EZH1: variants seen among roughly 807,000 people sequenced by gnomAD.
The protein encoded by EZH1 is histone-lysine N-methyltransferase EZH1.
In EZH1, 33 loss-of-function variants were observed where a neutral mutation model predicts 100.5. The ratio of observed to expected loss-of-function variants is 0.33; its 90% CI spans 0.25 to 0.44. The LOEUF (loss-of-function observed/expected upper bound fraction) is 0.44. Ranked by LOEUF, EZH1 falls within the 20% of genes least tolerant of loss-of-function variation. The probability of loss-of-function intolerance (pLI) is 1.00; values close to 1 mark genes in which losing one functional copy is unlikely to be tolerated. For missense variants in EZH1, 475 were observed against 928.4 expected, an observed-to-expected ratio of 0.51 and a Z score of 6.35; for synonymous variants, 272 against 313.8, an observed-to-expected ratio of 0.87 and a Z score of 1.41.
chr17:42,724,899 T>G lies in EZH1; in HGVS notation c.247-475A>C, dbSNP rs1468797579. On this transcript the variant is annotated intron_variant, in intron 4 of 20. Transcript: ENST00000428826. ...TTATAAAAAATTTGACCAGGCATGG[T>G]GGCTCACGCCTGTAATCCCAGCACT... 3.9e-5 allele frequency among the ~76,000 whole-genome samples: 6 copies of G among 152,188 alleles called. No homozygotes were observed. In the East Asian group the frequency reaches 9.6e-4, roughly 24 times the overall value.
At chr17:42,712,867 G>A (rs936588180) in intron 11 of EZH1, among the ~76,000 whole-genome samples, 3 of 151,934 alleles carry the variant, frequency 2.0e-5, no homozygotes, top group South Asian at 2.1e-4. Flanking sequence ...GCGAAACCCC[G>A]TCTCTACTAA....
At chr17:42,744,872 C>A in intron 1 of EZH1, 139 bp downstream of exon 1, 1 of 926,080 alleles carries the variant, frequency 1.1e-6, no homozygotes, top group Admixed American at 3.9e-5. Flanking sequence ...GCGCCTGCTA[C>A]CCCCGGCCAG....
In EZH1 at chr17:42,745,002, C is replaced by T. The variant is rs1485072918; in HGVS notation, c.-103+9G>A. The T allele has an allele frequency of 7.8e-7, 1 of 1,274,704 alleles. No homozygotes were observed. 79.0% of individuals were successfully genotyped at this position (1,274,704 alleles called of 1,614,324 possible). Reference sequence around the variant, plus strand: ...CCACCGCCCGGCCCAGGCTTGTTTACTCACTCACCCTCCATCCCGAGCCGC... The same window carrying T: ...CCACCGCCCGGCCCAGGCTTGTTTATTCACTCACCCTCCATCCCGAGCCGC... On this transcript the variant is annotated intron_variant, in intron 1 of 20. Coordinates refer to ENST00000428826, the MANE Select transcript of EZH1 (RefSeq NM_001991.5).
intron 1 of EZH1, among the ~76,000 whole-genome samples, chr17:42,739,248 C>G (rs1263882698): frequency 6.6e-6 from 1 of 152,114 alleles, no homozygotes; most frequent in African/African-American, 2.4e-5. Context: ...AGCCTGATCT[C>G]TCAGTTAGGA....
chr17:42,733,032 CAAAAAA>C (rs35232752), intron 1 of EZH1, among the ~76,000 whole-genome samples: 3 of 103,242 alleles, frequency 2.9e-5, no homozygotes, highest in Non-Finnish European at 4.0e-5. Context: ...ACCATCTCTA[CAAAAAA>C]AAAAAAAAAA....
In EZH1 at chr17:42,720,570, T is replaced by A. The variant is rs993872703; in HGVS notation, c.488-121A>T. 33 of 805,616 alleles carry A rather than the reference T, an allele frequency of 4.1e-5. No individual in the cohort carries two copies. The African/African-American group carries it at 5.4e-4, about 13-fold the overall frequency. The allele number at this position is 805,616 out of a possible 1,614,324, so 49.9% of individuals were successfully genotyped here. A position where few individuals can be genotyped will look rare whatever the true frequency, so the allele number is the denominator to read the frequency against. On this transcript the variant is annotated intron_variant, in intron 6 of 20. Coordinates refer to ENST00000428826, the MANE Select transcript of EZH1 (RefSeq NM_001991.5). ...TATGTCACATGTGTACATTTTTACA[T>A]GGGAGATCAGGAAATTACAATCATT...
intron 1 of EZH1, among the ~76,000 whole-genome samples, chr17:42,732,799 A>T (rs1265350617): frequency 4.0e-5 from 6 of 151,898 alleles, no homozygotes; most frequent in Non-Finnish European, 8.8e-5. Context: ...AATCAAAAAC[A>T]TCATCCGGGC....
intron 1 of EZH1, among the ~76,000 whole-genome samples, chr17:42,734,532 C>T (rs921290983): frequency 1.3e-5 from 2 of 151,934 alleles, no homozygotes; most frequent in Non-Finnish European, 2.9e-5. Flanking sequence ...GGCATGGTAG[C>T]CTGTGCCTGC....
At chr17:42,738,093 G>A (rs1431665947) in intron 1 of EZH1, among the ~76,000 whole-genome samples, 2 of 150,932 alleles carry the variant, frequency 1.3e-5, no homozygotes, top group South Asian at 2.1e-4. Flanking sequence ...GGAGAATGGC[G>A]TGAACCCAGG....
chr17:42,741,259 G>A (rs1159714353), intron 1 of EZH1, among the ~76,000 whole-genome samples: 4 of 152,168 alleles, frequency 2.6e-5, no homozygotes, highest in African/African-American at 7.2e-5. Context: ...TCCCTTTGTC[G>A]CCCAGGCTAG....
chr17:42,713,316 T>C lies in EZH1; in HGVS notation c.1097A>G (p.His366Arg). ...ATTGGAGCAGGAAGCACTGACTATGTGGTGCCTTCTCCGGCGACGACCAGA... is the reference window on the plus strand; with the variant it reads ...ATTGGAGCAGGAAGCACTGACTATGCGGTGCCTTCTCCGGCGACGACCAGA... The part of the protein sequence containing the change: ...KCSGRRRRRH[H>R]IVSASCSNAS... The change falls in exon 11 of 21, where the codon CAC (histidine) becomes CGC (arginine). Residue 366 changes from histidine to arginine, a missense_variant. By Grantham distance (29) the His-to-Arg change is conservative. This residue lies in a region of EZH1 where 180 missense variants were observed against 295.3 expected (regional missense o/e 0.61). Coordinates refer to ENST00000428826, the MANE Select transcript of EZH1 (RefSeq NM_001991.5). The C allele has an allele frequency of 6.2e-7, 1 of 1,613,296 alleles. No homozygotes were observed. Among genetic ancestry groups the C allele is most frequent in the Non-Finnish European group, 8.5e-7 (1 of 1,179,278 alleles).
intron 1 of EZH1, among the ~76,000 whole-genome samples, chr17:42,742,688 T>C (rs2143907734): frequency 6.6e-6 from 1 of 152,356 alleles, no homozygotes; most frequent in Non-Finnish European, 1.5e-5. Flanking sequence ...TACTATGTGT[T>C]ACCATTTTAG....
rs137861843 is a variant in EZH1, at chr17:42,702,177, G to A, written c.*355C>T. On this transcript the variant is annotated 3_prime_UTR_variant, in exon 21 of 21. Transcript: ENST00000428826. ...TGGAAAGCTACAATTACAGGCTAGC[G>A]CTTGTTGGGAACTGCCTAAGTTGAT... 1.6e-4 allele frequency: 36 copies of A among 225,768 alleles called. No individual in the cohort carries two copies. The highest frequency in any genetic ancestry group is 9.8e-4 in the East Asian group (11 of 11,242). 14.0% of individuals were successfully genotyped at this position (225,768 alleles called of 1,614,324 possible).
Position 42,718,637 on chromosome 17 carries a change from T to G in EZH1, c.768-20A>C, listed in dbSNP as rs768929827. 17 of 1,613,240 alleles carry G rather than the reference T, an allele frequency of 1.1e-5. No homozygotes were observed. The South Asian group carries it at 1.6e-4, about 16-fold the overall frequency. ...CGATACCTATTTAAGAAAAGAGAGATAAGAGTTCCTCCGAGGAACTGCCTC... is the reference window on the plus strand; with the variant it reads ...CGATACCTATTTAAGAAAAGAGAGAGAAGAGTTCCTCCGAGGAACTGCCTC... On this transcript the variant is annotated intron_variant, in intron 8 of 20. Coordinates refer to ENST00000428826, the MANE Select transcript of EZH1 (RefSeq NM_001991.5). This position sits in a 1 kb window ranked among gnomAD's most constrained non-coding sequence, Gnocchi z 4.2.
chr17:42,720,332 T>C lies in EZH1; in HGVS notation c.605A>G (p.Gln202Arg). ...EGHNDTSDGK[Q>R]DDSKEDLPVT... ...TGGCAGATCTTCTTTGCTGTCATCC[T>C]GCTTTCCATCTGAGGTGTCATTGTG... The change falls in exon 7 of 21, where the codon CAG becomes CGG. Residue 202 changes from glutamine (Q) to arginine (R), a missense_variant. Physicochemically the swap from Gln to Arg is conservative, Grantham distance 43 (BLOSUM62 1). Coordinates refer to ENST00000428826, the MANE Select transcript of EZH1 (RefSeq NM_001991.5). 2 of 1,614,174 alleles carry C rather than the reference T, an allele frequency of 1.2e-6. No individual in the cohort carries two copies. The highest frequency in any genetic ancestry group is 1.7e-6 in the Non-Finnish European group (2 of 1,180,018).
At chr17:42,708,233 G>A (rs552946345) in intron 14 of EZH1, 150 bp from the exon 15 acceptor site, 81 of 915,274 alleles carry the variant, frequency 8.8e-5, no homozygotes, top group Non-Finnish European at 1.2e-4. Context: ...AGACAGGGAT[G>A]ACCGTTGTTC....
intron 1 of EZH1, among the ~76,000 whole-genome samples, chr17:42,732,661 G>C (rs1398675138): frequency 6.6e-6 from 1 of 152,132 alleles, no homozygotes; most frequent in Admixed American, 6.6e-5. Flanking sequence ...CCAGCTACTT[G>C]GGAGGCTGAG....
intron 12 of EZH1, among the ~76,000 whole-genome samples, 164 bp from the exon 13 acceptor site, chr17:42,710,101 G>T (rs777952211): frequency 2.0e-5 from 3 of 152,156 alleles, no homozygotes; most frequent in Non-Finnish European, 4.4e-5. Flanking sequence ...TGGGTTACTG[G>T]CTCTGAAGTT....
intron 5 of EZH1, among the ~76,000 whole-genome samples, chr17:42,723,636 G>C (rs2053761376): frequency 6.6e-6 from 1 of 152,094 alleles, no homozygotes; most frequent in African/African-American, 2.4e-5. Context: ...AATAATTTTG[G>C]GGGAGTGGGG....
Sources: allele counts gnomAD v4.1 joint callset (sites outside exome capture counted in the v4.1 genomes callset), GRCh38; gene constraint gnomAD v4.1.1; regional missense constraint gnomAD v4.1.1; non-coding constraint Gnocchi (gnomAD v3.1); transcripts MANE v1.5; gene names NCBI Gene and HGNC (gene_info 2026-07-23, HGNC 2026-07-21).